Variants in PLAC1 observed in about 807,000 individuals in gnomAD.
The protein encoded by PLAC1 is placenta associated 1.
For missense variants in PLAC1, 136 were observed against 163.2 expected, an observed-to-expected ratio of 0.83 and a Z score of 0.91; for synonymous variants, 68 against 62.1, an observed-to-expected ratio of 1.09 and a Z score of -0.44.
intron 2 of PLAC1, among the ~76,000 whole-genome samples, chrX:134,725,759 C>G (rs1378815048): frequency 8.9e-6 from 1 of 111,897 alleles, no homozygotes; most frequent in Non-Finnish European, 1.9e-5. Context: ...TTGGGAGGCT[C>G]AGGTGGGCGG....
chrX:134,619,339 T>G lies in PLAC1; in HGVS notation c.-130-17217A>C, dbSNP rs888199346. Among the ~76,000 whole-genome samples the G allele has an allele frequency of 7.1e-5, 8 of 112,042 alleles. 1 individual carries two copies. The highest frequency in any genetic ancestry group is 9.5e-5 in the Admixed American group (1 of 10,561). Reference sequence around the variant, plus strand: ...AGTCCAAGAGCAACAGACCCCATGTTTAAAACTCCTGCATTAAGAAAACCT... The same window carrying G: ...AGTCCAAGAGCAACAGACCCCATGTGTAAAACTCCTGCATTAAGAAAACCT... On this transcript the variant is annotated intron_variant, in intron 1 of 2. Coordinates refer to ENST00000359237, the MANE Select transcript of PLAC1 (RefSeq NM_021796.4).
chrX:134,582,334 G>T (rs1299252516), intron 2 of PLAC1, among the ~76,000 whole-genome samples: 5 of 111,763 alleles, frequency 4.5e-5, no homozygotes, highest in Non-Finnish European at 9.4e-5. Flanking sequence ...ACTTTCAAAA[G>T]GGCCACCTTA....
upstream of PLAC1, among the ~76,000 whole-genome samples, chrX:134,659,052 T>TG (rs1006385217): frequency 9.1e-6 from 1 of 110,232 alleles, no homozygotes; most frequent in African/African-American, 3.3e-5. Context: ...TGTGGCCTCT[T>TG]GGGGGGCTGT....
intron 1 of PLAC1, among the ~76,000 whole-genome samples, chrX:134,761,361 A>G (rs190741122): frequency 5.0e-4 from 56 of 111,922 alleles, no homozygotes; most frequent in African/African-American, 1.8e-3. Flanking sequence ...TGTATTGCCA[A>G]TGGATGAATG....
At chrX:134,701,819 A>G (rs1328995406) in intron 2 of PLAC1, among the ~76,000 whole-genome samples, 2 of 112,235 alleles carry the variant, frequency 1.8e-5, no homozygotes, top group Non-Finnish European at 3.8e-5. Flanking sequence ...GGAGTTCGAG[A>G]CCAGCCTGGC....
chrX:134,566,688 C>T lies in PLAC1; in HGVS notation c.-6G>A. On this transcript the variant is annotated 5_prime_UTR_variant, in exon 3 of 3. Transcript: ENST00000359237. ...ATGAACTTAAAAACTTTCATCCCTG[C>T]AGCCAATCAGATAATGAACCACAGG... The T allele has an allele frequency of 8.5e-7, 1 of 1,173,659 alleles. No homozygotes were observed. Among genetic ancestry groups the T allele is most frequent in the Admixed American group, 2.2e-5 (1 of 44,972 alleles).
chrX:134,714,292 T>C (rs377030534), intron 2 of PLAC1, among the ~76,000 whole-genome samples: 3 of 109,144 alleles, frequency 2.7e-5, no homozygotes, highest in African/African-American at 1.0e-4. Context: ...CTCCTTTCCC[T>C]CCTCTCCTGC....
intron 1 of PLAC1, among the ~76,000 whole-genome samples, chrX:134,748,286 C>A (rs192875844): frequency 9.5e-6 from 1 of 105,640 alleles, no homozygotes; most frequent in African/African-American, 3.5e-5. Flanking sequence ...GCCAAGATCA[C>A]GCCACTGTAC....
At chrX:134,617,494 G>T (rs770987981) in intron 1 of PLAC1, among the ~76,000 whole-genome samples, 3 of 111,902 alleles carry the variant, frequency 2.7e-5, no homozygotes, top group African/African-American at 9.8e-5. Flanking sequence ...CTGTGTTGAG[G>T]TAAGTTCCTT....
At chrX:134,739,382 C>T (rs1022040589) in intron 1 of PLAC1, among the ~76,000 whole-genome samples, 1 of 112,281 alleles carries the variant, frequency 8.9e-6, no homozygotes, top group African/African-American at 3.2e-5. Flanking sequence ...TCTTGAAATG[C>T]AAGCTTCATG....
At chrX:134,763,876 A>C (rs1441653908) in intron 1 of PLAC1, among the ~76,000 whole-genome samples, 5 of 109,734 alleles carry the variant, frequency 4.6e-5, no homozygotes, top group Non-Finnish European at 9.5e-5. Flanking sequence ...AGAAAAGGGA[A>C]AGGAAAAGCG....
intron 1 of PLAC1, among the ~76,000 whole-genome samples, chrX:134,756,099 C>T (rs1354141354): frequency 9.2e-6 from 1 of 109,099 alleles, no homozygotes; most frequent in African/African-American, 3.3e-5. Flanking sequence ...GATCCGCCCG[C>T]CTTGGCCTCC....
chrX:134,645,225 C>A (rs1348633084), intron 1 of PLAC1, among the ~76,000 whole-genome samples: 1 of 112,309 alleles, frequency 8.9e-6, no homozygotes, highest in Non-Finnish European at 1.9e-5. Context: ...GTCTCCAAAT[C>A]TTCCCCATTT....
chrX:134,594,284 G>A (rs1446876792), intron 2 of PLAC1, among the ~76,000 whole-genome samples: 1 of 111,417 alleles, frequency 9.0e-6, no homozygotes, highest in Non-Finnish European at 1.9e-5. Flanking sequence ...CCTTCATATT[G>A]CTGAAGTCTG....
intron 2 of PLAC1, among the ~76,000 whole-genome samples, chrX:134,593,932 G>C (rs2124378546): frequency 9.0e-6 from 1 of 111,485 alleles, no homozygotes; most frequent in Non-Finnish European, 1.9e-5. Context: ...AGAATGTCCA[G>C]CACTATGATG....
intron 2 of PLAC1, among the ~76,000 whole-genome samples, chrX:134,666,914 C>T (rs1187647136): frequency 3.6e-5 from 4 of 112,028 alleles, no homozygotes; most frequent in Non-Finnish European, 7.5e-5. Context: ...ACAAGGGCAT[C>T]AAGACAATTC....
At chrX:134,755,719 C>T (rs1297213716) in intron 1 of PLAC1, among the ~76,000 whole-genome samples, 1 of 110,729 alleles carries the variant, frequency 9.0e-6, no homozygotes, top group Non-Finnish European at 1.9e-5. Context: ...TGCCCATTTT[C>T]CTCCTGAGAC....
intron 1 of PLAC1, among the ~76,000 whole-genome samples, chrX:134,759,572 C>T (rs757164269): frequency 2.7e-5 from 3 of 111,546 alleles, no homozygotes; most frequent in Non-Finnish European, 5.6e-5. Context: ...CATGTATCTA[C>T]CCAAAGGAAA....
intron 2 of PLAC1, among the ~76,000 whole-genome samples, chrX:134,718,999 A>C (rs750025591): frequency 9.0e-6 from 1 of 111,600 alleles, no homozygotes; most frequent in Non-Finnish European, 1.9e-5. Context: ...TTTCACCCAA[A>C]CCCTTTTCAC....
Sources: gnomAD v4.1 joint callset for allele counts (sites outside exome capture counted in the v4.1 genomes callset) on GRCh38, gnomAD v4.1.1 for gene constraint, MANE v1.5 for transcripts, NCBI Gene and HGNC (gene_info 2026-07-23, HGNC 2026-07-21) for gene names.